Variants in ADD3 observed in about 807,000 individuals in gnomAD.
The protein encoded by ADD3 is gamma-adducin.
A neutral mutation model predicts 80.2 loss-of-function variants in ADD3; 25 were observed. The observed-to-expected ratio is 0.31, with a 90% CI of 0.23 to 0.44. The LOEUF is 0.44. Ranked by LOEUF, ADD3 falls within the 20% of genes least tolerant of loss-of-function variation. The pLI is 1.00. For synonymous variants in ADD3, 284 were observed against 289.6 expected, an observed-to-expected ratio of 0.98 and a Z score of 0.20; for missense variants, 829 against 847.5, an observed-to-expected ratio of 0.98 and a Z score of 0.27.
At chr10:110,079,531 T>A (rs1201048074) in intron 1 of ADD3, among the ~76,000 whole-genome samples, 1 of 148,854 alleles carries the variant, frequency 6.7e-6, no homozygotes, top group African/African-American at 2.5e-5. Context: ...TTAATACATA[T>A]AAAATTATAC....
chr10:110,048,115 C>G (rs570962671), intron 1 of ADD3, among the ~76,000 whole-genome samples: 2 of 152,242 alleles, frequency 1.3e-5, no homozygotes, highest in South Asian at 4.1e-4. Flanking sequence ...GTCCTTAAGT[C>G]TCACGAGATG....
chr10:110,105,989 C>G (rs1024762032), intron 2 of ADD3: 1 of 152,128 alleles, frequency 6.6e-6, no homozygotes, highest in African/African-American at 2.4e-5. Flanking sequence ...TGTTTTTTCT[C>G]CTTTCAACAG....
At chr10:110,113,100 A>G (rs1427281663) in intron 3 of ADD3, among the ~76,000 whole-genome samples, 185 bp downstream of exon 3, 1 of 152,150 alleles carries the variant, frequency 6.6e-6, no homozygotes, top group Non-Finnish European at 1.5e-5. Flanking sequence ...CACTTTGTAC[A>G]GATTATAAGA....
chr10:109,999,626 T>G (rs1024274796), intron 1 of ADD3, among the ~76,000 whole-genome samples: 1 of 152,228 alleles, frequency 6.6e-6, no homozygotes, highest in South Asian at 2.1e-4. Context: ...TTAGCAGGAC[T>G]GATATCATGA....
chr10:110,073,057 T>C (rs1564929092), intron 1 of ADD3, among the ~76,000 whole-genome samples: 2 of 151,826 alleles, frequency 1.3e-5, no homozygotes, highest in South Asian at 2.1e-4. Flanking sequence ...TCACCAGGGA[T>C]GAAAAAATCA....
intron 12 of ADD3, among the ~76,000 whole-genome samples, chr10:110,129,864 G>T (rs74154985): frequency 0.011 from 1,613 of 152,146 alleles, 31 homozygotes; most frequent in African/African-American, 0.038. Flanking sequence ...GTGGGGTTTT[G>T]GGAGGGATGA....
At chr10:110,072,576 G>A (rs539760927) in intron 1 of ADD3, among the ~76,000 whole-genome samples, 8 of 152,262 alleles carry the variant, frequency 5.3e-5, no homozygotes, top group East Asian at 1.9e-4. Flanking sequence ...TTACAAATCC[G>A]TCTTTGCAGG....
At chr10:110,081,251 G>A (rs925604738) in intron 1 of ADD3, among the ~76,000 whole-genome samples, 4 of 152,044 alleles carry the variant, frequency 2.6e-5, no homozygotes, top group African/African-American at 9.6e-5. Flanking sequence ...ATTTTCATAC[G>A]CATTTTTTGA....
At chr10:110,126,015 A>G in intron 11 of ADD3, 70 bp downstream of exon 11, 1 of 1,460,688 alleles carries the variant, frequency 6.8e-7, no homozygotes. Context: ...CAGTGGTTGA[A>G]TCTGGTTAAT....
intron 1 of ADD3, among the ~76,000 whole-genome samples, chr10:110,035,092 T>C (rs1855486198): frequency 1.3e-5 from 2 of 152,210 alleles, no homozygotes; most frequent in Admixed American, 6.5e-5. Context: ...TAAATAAAAA[T>C]GGCATGTTTA....
chr10:110,025,154 C>G (rs745976964), intron 1 of ADD3, among the ~76,000 whole-genome samples: 1 of 151,998 alleles, frequency 6.6e-6, no homozygotes, highest in Non-Finnish European at 1.5e-5. Context: ...CCTCGGCCTC[C>G]CAAAGTGCTG....
chr10:110,049,465 C>A (rs1195847215), intron 1 of ADD3, among the ~76,000 whole-genome samples: 5 of 152,198 alleles, frequency 3.3e-5, no homozygotes, highest in Non-Finnish European at 7.4e-5. Context: ...GGAAAGCAGC[C>A]TGAGTGGTGC....
Position 110,032,103 on chromosome 10 carries a change from A to C in ADD3, c.-30+23804A>C, listed in dbSNP as rs184898714. ...TCCTTTGCTAAATGCCAGGAATATC[A>C]AATCTTGGACTTCAGAGACTGGCCA... On this transcript the variant is annotated intron_variant, in intron 1 of 14. Coordinates refer to ENST00000356080, the MANE Select transcript of ADD3 (RefSeq NM_016824.5). Among the ~76,000 whole-genome samples, 417 of 152,312 alleles carry C rather than the reference A, an allele frequency of 2.7e-3. 3 individuals are homozygous for C. Among genetic ancestry groups the C allele is most frequent in the African/African-American group, 9.5e-3 (395 of 41,572 alleles).
In ADD3 at chr10:110,024,930, C is replaced by T. The variant is rs113936764; in HGVS notation, c.-30+16631C>T. On this transcript the variant is annotated intron_variant, in intron 1 of 14. Coordinates refer to ENST00000356080, the MANE Select transcript of ADD3 (RefSeq NM_016824.5). ...AACCACTCAAGTTTCCTCCTCTTTTCTTTTTTTTTTTTTTGGAGACAGAGT... is the reference window on the plus strand; with the variant it reads ...AACCACTCAAGTTTCCTCCTCTTTTTTTTTTTTTTTTTTTGGAGACAGAGT... 2.5e-3 allele frequency among the ~76,000 whole-genome samples: 347 copies of T among 141,452 alleles called. 2 individuals carry two copies. Among genetic ancestry groups the T allele is most frequent in the African/African-American group, 7.2e-3 (280 of 38,940 alleles). 92.8% of individuals were successfully genotyped at this position (141,452 alleles called of 152,430 possible). A position where few individuals can be genotyped will look rare whatever the true frequency, so the allele number is the denominator to read the frequency against.
intron 1 of ADD3, among the ~76,000 whole-genome samples, chr10:110,088,285 A>G (rs771235543): frequency 3.9e-5 from 6 of 152,216 alleles, no homozygotes; most frequent in Non-Finnish European, 7.4e-5. Flanking sequence ...TTTAGATCTA[A>G]AAGATGATAC....
chr10:110,037,795 T>C (rs1263721044), intron 1 of ADD3, among the ~76,000 whole-genome samples: 1 of 150,646 alleles, frequency 6.6e-6, no homozygotes, highest in Non-Finnish European at 1.5e-5. Context: ...GGCTGGGCGC[T>C]GTGGCTCAAG....
chr10:110,127,705 A>G (rs1294964004), intron 12 of ADD3, among the ~76,000 whole-genome samples: 3 of 152,206 alleles, frequency 2.0e-5, no homozygotes, highest in Non-Finnish European at 4.4e-5. Context: ...GCCCCCCTTC[A>G]TTCTGATCCA....
chr10:110,025,337 A>G (rs1220344264), intron 1 of ADD3, among the ~76,000 whole-genome samples: 1 of 152,004 alleles, frequency 6.6e-6, no homozygotes, highest in Admixed American at 6.5e-5. Flanking sequence ...TACTAATTTA[A>G]TTTAATATTT....
intron 1 of ADD3, among the ~76,000 whole-genome samples, chr10:110,024,849 A>T (rs1223297663): frequency 6.6e-6 from 1 of 152,146 alleles, no homozygotes; most frequent in Non-Finnish European, 1.5e-5. Context: ...ATATAAGGAC[A>T]TGGAACAAAA....
Sources: gnomAD v4.1 joint callset for allele counts (sites outside exome capture counted in the v4.1 genomes callset) on GRCh38, gnomAD v4.1.1 for gene constraint, MANE v1.5 for transcripts, NCBI Gene and HGNC (gene_info 2026-07-23, HGNC 2026-07-21) for gene names.